Variants in KIF7 observed in about 807,000 individuals in gnomAD.
KIF7 encodes the protein kinesin-like protein KIF7.
A neutral mutation model predicts 135.7 loss-of-function variants in KIF7; 104 were observed. That is an observed-to-expected ratio of 0.77 (90% CI 0.65 to 0.90). The LOEUF (loss-of-function observed/expected upper bound fraction) is 0.90. KIF7 is among the 40% of genes least tolerant of loss of function. The pLI is 0.00. For synonymous variants in KIF7, 883 were observed against 809.4 expected, an observed-to-expected ratio of 1.09 and a Z score of -1.54; for missense variants, 2,005 against 1,839.1, an observed-to-expected ratio of 1.09 and a Z score of -1.65.
rs886795645 is a variant in KIF7, at chr15:89,649,100, C to A, written c.797G>T (p.Gly266Val). ...SERVLKTGST[G>V]ERLKESIQIN... ...CTGGATGCTCTCCTTGAGCCGCTCGCCGGTGCTGCCCGTCTTGAGCACCCT... is the reference window on the plus strand; with the variant it reads ...CTGGATGCTCTCCTTGAGCCGCTCGACGGTGCTGCCCGTCTTGAGCACCCT... The change falls in exon 4 of 19, where the codon GGC becomes GTC. Residue 266 changes from glycine (G) to valine (V), a missense_variant. Transcript: ENST00000394412. 1 of 1,547,642 alleles carries A rather than the reference C, an allele frequency of 6.5e-7. No individual in the cohort carries two copies. The highest frequency in any genetic ancestry group is 1.4e-5 in the African/African-American group (1 of 73,010).
At chr15:89,640,885 C>T (rs956432173) in intron 11 of KIF7, among the ~76,000 whole-genome samples, 1 of 151,696 alleles carries the variant, frequency 6.6e-6, no homozygotes, top group Non-Finnish European at 1.5e-5. Flanking sequence ...TGTAGTGGCA[C>T]CCCGCTACTC....
chr15:89,633,099 GC>G (rs1319235955), intron 13 of KIF7, 41 bp downstream of exon 13: 3 of 1,600,984 alleles, frequency 1.9e-6, no homozygotes, highest in Non-Finnish European at 1.7e-6. Context: ...CCACCAGCCA[GC>G]CCCCAGGGGA....
At chr15:89,618,848 A>G (rs1963377490) in intron 1 of KIF7, among the ~76,000 whole-genome samples, 1 of 152,202 alleles carries the variant, frequency 6.6e-6, no homozygotes. Context: ...GGTCCCAGCT[A>G]CTCGGGAGGC....
Position 89,648,547 on chromosome 15 carries a change from A to G in KIF7, c.1151T>C (p.Ile384Thr). ...GPPRHRSETR[I>T]IHRGRRAPGP... ...TGGGGCGCGCCGGCCGCGGTGGATG[A>G]TGCGGGTCTCGGAGCGGTGCCGTGG... The change falls in exon 5 of 19, where the codon ATC becomes ACC. Residue 384 changes from isoleucine (I) to threonine (T), a missense_variant. Coordinates refer to ENST00000394412, the MANE Select transcript of KIF7 (RefSeq NM_198525.3). 6 of 1,358,208 alleles carry G rather than the reference A, an allele frequency of 4.4e-6. No homozygotes were observed. The highest frequency in any genetic ancestry group is 5.7e-6 in the Non-Finnish European group (6 of 1,052,986). The allele number at this position is 1,358,208 out of a possible 1,614,324, so 84.1% of individuals were successfully genotyped here.
Position 89,652,684 on chromosome 15 carries a change from A to G in KIF7, c.247T>C (p.Phe83Leu), listed in dbSNP as rs770614646. ...ACVQPLLEAFFEGFNATVFAY... is the reference protein window; with the variant it reads ...ACVQPLLEAFLEGFNATVFAY... ...AAGACAGTGGCATTGAAGCCCTCGA[A>G]GAAGGCCTCAAGGAGGGGCTGAACG... Residue 83 changes from phenylalanine (F) to leucine (L), a missense_variant, in exon 2 of 19, where the codon TTC becomes CTC. Physicochemically the swap from Phe to Leu is conservative, Grantham distance 22 (BLOSUM62 0). Coordinates refer to ENST00000394412, the MANE Select transcript of KIF7 (RefSeq NM_198525.3). The G allele has an allele frequency of 3.7e-5, 57 of 1,551,386 alleles. No homozygotes were observed. Among genetic ancestry groups the G allele is most frequent in the East Asian group, 3.2e-4 (13 of 40,908 alleles).
chr15:89,655,864 C>T (rs915885852), upstream of KIF7, among the ~76,000 whole-genome samples: 3 of 152,132 alleles, frequency 2.0e-5, no homozygotes, highest in Non-Finnish European at 4.4e-5. Context: ...TTTTAGCATT[C>T]CTAAAATTGA....
chr15:89,648,876 G>A, intron 4 of KIF7, 98 bp downstream of exon 4: 1 of 1,465,452 alleles, frequency 6.8e-7, no homozygotes, highest in East Asian at 2.5e-5. Context: ...CCGTGGGCTG[G>A]AGACCTCAGG....
chr15:89,619,606 T>G, intron 1 of KIF7: 2 of 1,248,752 alleles, frequency 1.6e-6, no homozygotes, highest in Non-Finnish European at 2.2e-6. Context: ...AATTTCCATC[T>G]TATATGTGGT....
chr15:89,621,102 C>G (rs1177663944), intron 1 of KIF7, among the ~76,000 whole-genome samples: 1 of 151,700 alleles, frequency 6.6e-6, no homozygotes, highest in Non-Finnish European at 1.5e-5. Context: ...TCACTGCAAC[C>G]TCCACCTCCT....
chr15:89,646,707 C>T, intron 7 of KIF7, 123 bp downstream of exon 7: 1 of 894,972 alleles, frequency 1.1e-6, no homozygotes, highest in Non-Finnish European at 1.8e-6. Flanking sequence ...CAGCCTCTCG[C>T]ATCTCACAGC....
At chr15:89,638,550 T>G (rs1048448788) in intron 11 of KIF7, among the ~76,000 whole-genome samples, 3 of 146,786 alleles carry the variant, frequency 2.0e-5, no homozygotes, top group Admixed American at 1.3e-4. Context: ...CACAATTGCT[T>G]CAAAGAGAAT....
chr15:89,641,051 T>G (rs1351193922), intron 11 of KIF7, among the ~76,000 whole-genome samples: 2 of 152,030 alleles, frequency 1.3e-5, no homozygotes, highest in East Asian at 3.9e-4. Context: ...ATGGGCTGAA[T>G]TGTGTTTCCC....
chr15:89,646,740 G>A (rs541394239), intron 7 of KIF7, 90 bp downstream of exon 7: 3 of 1,155,948 alleles, frequency 2.6e-6, no homozygotes, highest in East Asian at 4.7e-5. Flanking sequence ...AGCATGAGTG[G>A]GGGACACGTG....
intron 11 of KIF7, among the ~76,000 whole-genome samples, chr15:89,636,002 G>T (rs1270200994): frequency 6.6e-6 from 1 of 152,158 alleles, no homozygotes; most frequent in Non-Finnish European, 1.5e-5. Flanking sequence ...CTACAAGCCA[G>T]AAGAGAGTGG....
chr15:89,627,027 C>G (rs1371527340), downstream of KIF7: 2 of 1,614,094 alleles, frequency 1.2e-6, no homozygotes, highest in Admixed American at 3.3e-5. Flanking sequence ...CAGGAGGCGC[C>G]CCATCAGCAG....
chr15:89,644,675 CTCTT>C (rs1446021097), intron 10 of KIF7, among the ~76,000 whole-genome samples: 3 of 152,058 alleles, frequency 2.0e-5, no homozygotes, highest in Admixed American at 6.6e-5. Flanking sequence ...ACGAGTGAAA[CTCTT>C]TCTCAAAAAA....
intron 7 of KIF7, 30 bp from the exon 8 acceptor site, chr15:89,646,056 G>C: frequency 6.2e-7 from 1 of 1,612,882 alleles, no homozygotes; most frequent in Non-Finnish European, 8.5e-7. Context: ...CCCATCCCAA[G>C]TCATCATCCC....
At chr15:89,623,558 C>G, downstream of KIF7, 1 of 1,488,834 alleles carries the variant, frequency 6.7e-7, no homozygotes, top group Non-Finnish European at 9.0e-7. Flanking sequence ...TTAGAGATTA[C>G]TAAAACACTT....
chr15:89,633,109 G>T lies in KIF7; in HGVS notation c.2718+32C>A, dbSNP rs1031013140. Reference sequence around the variant, plus strand: ...TGCACCCACCAGCCAGCCCCCAGGGGAGCCCTGGGTGCGGACACAGCCTGG... The same window carrying T: ...TGCACCCACCAGCCAGCCCCCAGGGTAGCCCTGGGTGCGGACACAGCCTGG... On this transcript the variant is annotated intron_variant, in intron 13 of 18. Transcript: ENST00000394412. 1.9e-6 allele frequency: 3 copies of T among 1,601,336 alleles called. No homozygotes were observed. The Admixed American group carries it at 5.0e-5, about 27-fold the overall frequency.
Sources: gnomAD v4.1 joint callset for allele counts (sites outside exome capture counted in the v4.1 genomes callset) on GRCh38, gnomAD v4.1.1 for gene constraint, MANE v1.5 for transcripts, NCBI Gene and HGNC (gene_info 2026-07-23, HGNC 2026-07-21) for gene names.